Variants in EML6 observed in about 807,000 individuals in gnomAD.
EML6 encodes EMAP like 6.
A neutral mutation model predicts 240.1 loss-of-function variants in EML6; 154 were observed. The ratio of observed to expected loss-of-function variants is 0.64; its 90% CI spans 0.56 to 0.73. The LOEUF (loss-of-function observed/expected upper bound fraction) is 0.73. Ranked by LOEUF, EML6 falls within the 30% of genes least tolerant of loss-of-function variation. EML6 has a pLI of 0.00. For missense variants in EML6, 2,964 were observed against 2,474.6 expected, an observed-to-expected ratio of 1.20 and a Z score of -4.20; for synonymous variants, 1,148 against 899.0, an observed-to-expected ratio of 1.28 and a Z score of -4.95.
chr2:54,960,143 A>C lies in EML6; in HGVS notation c.4854-77A>C, dbSNP rs1676428113. The C allele has an allele frequency of 2.8e-6, 3 of 1,066,784 alleles. No homozygotes were observed. The Admixed American group carries it at 6.1e-5, about 22-fold the overall frequency. The allele number at this position is 1,066,784 out of a possible 1,614,324, so 66.1% of individuals were successfully genotyped here. A position where few individuals can be genotyped will look rare whatever the true frequency, so the allele number is the denominator to read the frequency against. On this transcript the variant is annotated intron_variant, in intron 34 of 41. Coordinates refer to ENST00000356458, the MANE Select transcript of EML6 (RefSeq NM_001039753.4). Reference sequence around the variant, plus strand: ...TGGCCAGAACCCTGATGACTGGGAAAGAGGGGAGAGGGCCGGAGGGGGTAG... The same window carrying C: ...TGGCCAGAACCCTGATGACTGGGAACGAGGGGAGAGGGCCGGAGGGGGTAG...
chr2:54,903,583 C>T (rs913019149), intron 24 of EML6, 81 bp downstream of exon 24: 13 of 1,120,144 alleles, frequency 1.2e-5, no homozygotes, highest in Non-Finnish European at 1.6e-5. Flanking sequence ...GAGAGAATGG[C>T]AGTTGAGTGT....
intron 16 of EML6, among the ~76,000 whole-genome samples, chr2:54,872,830 C>T (rs894011427): frequency 6.6e-6 from 1 of 152,212 alleles, no homozygotes; most frequent in East Asian, 1.9e-4. Flanking sequence ...TCTCTTCCAA[C>T]TTTACAGGGA....
intron 2 of EML6, among the ~76,000 whole-genome samples, chr2:54,744,937 CA>C (rs1304385864): frequency 5.3e-5 from 8 of 150,824 alleles, no homozygotes; most frequent in South Asian, 2.1e-4. Flanking sequence ...CACACACACA[CA>C]CACACACACA....
intron 2 of EML6, among the ~76,000 whole-genome samples, chr2:54,792,358 G>T (rs1306537593): frequency 1.3e-5 from 2 of 152,190 alleles, no homozygotes; most frequent in African/African-American, 4.8e-5. Flanking sequence ...CTTTGGGGAT[G>T]ACTGTCAAAA....
intron 7 of EML6, among the ~76,000 whole-genome samples, chr2:54,843,489 A>C (rs1669571384): frequency 6.6e-6 from 1 of 152,140 alleles, no homozygotes; most frequent in Non-Finnish European, 1.5e-5. Flanking sequence ...AAGGAAAAGC[A>C]GCCACTCTTT....
intron 2 of EML6, among the ~76,000 whole-genome samples, chr2:54,781,795 G>C (rs761448659): frequency 6.6e-6 from 1 of 152,040 alleles, no homozygotes; most frequent in African/African-American, 2.4e-5. Flanking sequence ...TCAGCCTCTC[G>C]AGTAGTTGGG....
intron 6 of EML6, among the ~76,000 whole-genome samples, chr2:54,828,380 T>C (rs1000262995): frequency 5.9e-5 from 9 of 152,194 alleles, no homozygotes; most frequent in Admixed American, 6.5e-5. Flanking sequence ...AATGACTACA[T>C]TGTTGTATCT....
intron 7 of EML6, among the ~76,000 whole-genome samples, chr2:54,830,803 G>A (rs1668831672): frequency 6.6e-6 from 1 of 152,150 alleles, no homozygotes; most frequent in African/African-American, 2.4e-5. Flanking sequence ...TTATGTATCT[G>A]TGAAATACAA....
intron 2 of EML6, among the ~76,000 whole-genome samples, chr2:54,794,219 C>T (rs755404221): frequency 2.0e-5 from 3 of 152,172 alleles, no homozygotes; most frequent in African/African-American, 4.8e-5. Context: ...GGGATTTCAG[C>T]AGAGGCCTGT....
intron 2 of EML6, among the ~76,000 whole-genome samples, chr2:54,803,951 T>A (rs188157163): frequency 1.2e-3 from 185 of 152,318 alleles, no homozygotes; most frequent in African/African-American, 3.7e-3. Flanking sequence ...TCACATTGAA[T>A]TCAACAGTAG....
At chr2:54,793,058 A>G (rs1464543458) in intron 2 of EML6, among the ~76,000 whole-genome samples, 1 of 152,232 alleles carries the variant, frequency 6.6e-6, no homozygotes, top group African/African-American at 2.4e-5. Flanking sequence ...GCATGAGGCC[A>G]GGAGTTTGAG....
intron 35 of EML6, among the ~76,000 whole-genome samples, chr2:54,962,019 A>G (rs1381928214): frequency 6.6e-6 from 1 of 151,078 alleles, no homozygotes; most frequent in African/African-American, 2.4e-5. Context: ...ACAAACAAAA[A>G]CAACACTTCT....
intron 32 of EML6, among the ~76,000 whole-genome samples, chr2:54,957,528 A>T (rs1368892692): frequency 2.6e-5 from 4 of 152,216 alleles, no homozygotes; most frequent in Non-Finnish European, 2.9e-5. Context: ...GGAAGCTTCC[A>T]TCTCACAGGC....
At chr2:54,900,387 G>A (rs1672993530) in intron 22 of EML6, among the ~76,000 whole-genome samples, 1 of 152,194 alleles carries the variant, frequency 6.6e-6, no homozygotes, top group Non-Finnish European at 1.5e-5. Context: ...TGGGTAATTC[G>A]AGGAGAGTCT....
intron 2 of EML6, among the ~76,000 whole-genome samples, chr2:54,739,755 A>G (rs1188338666): frequency 1.3e-5 from 2 of 152,204 alleles, no homozygotes; most frequent in Admixed American, 1.3e-4. Context: ...GGCTTTCTGG[A>G]AGAAGGGGCA....
intron 2 of EML6, among the ~76,000 whole-genome samples, chr2:54,726,946 A>G (rs565104051): frequency 9.2e-4 from 140 of 152,330 alleles, no homozygotes; most frequent in Admixed American, 3.5e-3. Context: ...TACTTTGTGG[A>G]TTTGAACTCC....
chr2:54,822,391 T>A (rs969289890), intron 5 of EML6, among the ~76,000 whole-genome samples: 2 of 152,150 alleles, frequency 1.3e-5, no homozygotes, highest in African/African-American at 4.8e-5. Context: ...TTAGAATCTA[T>A]CCCAAGCAAA....
intron 8 of EML6, among the ~76,000 whole-genome samples, chr2:54,846,564 A>T (rs1364613913): frequency 2.6e-5 from 4 of 151,084 alleles, no homozygotes; most frequent in Admixed American, 6.6e-5. Flanking sequence ...GCTAACTGCA[A>T]CCTTGAACTC....
intron 17 of EML6, among the ~76,000 whole-genome samples, chr2:54,889,329 A>AACAC (rs1348359908): frequency 6.6e-6 from 1 of 151,862 alleles, no homozygotes; most frequent in East Asian, 1.9e-4. Context: ...CTCCAGATTA[A>AACAC]ACACACACAC....
Sources: gnomAD v4.1 joint callset for allele counts (sites outside exome capture counted in the v4.1 genomes callset) on GRCh38, gnomAD v4.1.1 for gene constraint, MANE v1.5 for transcripts, NCBI Gene and HGNC (gene_info 2026-07-23, HGNC 2026-07-21) for gene names.